The following LIMCH1 variants were observed in gnomAD, a reference collection of about 807,000 sequenced individuals.
LIMCH1 encodes the protein LIM and calponin homology domains-containing protein 1.
A neutral mutation model predicts 176.5 loss-of-function variants in LIMCH1; 113 were observed. The observed-to-expected ratio is 0.64, with a 90% confidence interval of 0.55 to 0.75. The LOEUF is 0.75. Among genes scored for constraint, LIMCH1 ranks in the 30% least tolerant of loss-of-function variants. LIMCH1 has a pLI of 0.00. For missense variants in LIMCH1, 1,674 were observed against 1,814.9 expected, an observed-to-expected ratio of 0.92 and a Z score of 1.41; for synonymous variants, 619 against 645.9, an observed-to-expected ratio of 0.96 and a Z score of 0.63.
chr4:41,397,115 G>A (rs2057884984), intron 1 of LIMCH1, among the ~76,000 whole-genome samples: 1 of 152,098 alleles, frequency 6.6e-6, no homozygotes, highest in African/African-American at 2.4e-5. Context: ...CCATTGGTTT[G>A]GTCATGGCTA....
At chr4:41,361,930 G>A (rs2052145656) in intron 1 of LIMCH1, among the ~76,000 whole-genome samples, 1 of 152,160 alleles carries the variant, frequency 6.6e-6, no homozygotes, top group Non-Finnish European at 1.5e-5. Context: ...GTGACAAGCA[G>A]CCCTCTTTGC....
At chr4:41,695,088 A>T (rs1018606228) in intron 31 of LIMCH1, among the ~76,000 whole-genome samples, 2 of 151,902 alleles carry the variant, frequency 1.3e-5, no homozygotes, top group African/African-American at 4.8e-5. Context: ...CCTGATTTGT[A>T]TGAGTTCTTT....
At chr4:41,493,041 T>C (rs1396258242) in intron 1 of LIMCH1, among the ~76,000 whole-genome samples, 3 of 152,136 alleles carry the variant, frequency 2.0e-5, no homozygotes, top group Admixed American at 6.5e-5. Flanking sequence ...ATGGTATATC[T>C]TATTTTATTC....
At position 41,620,422 on chromosome 4, in the gene LIMCH1, A is replaced by G; in HGVS notation, c.459-2A>G. 6.5e-7 allele frequency: 1 copy of G among 1,535,576 alleles called. No homozygotes were observed. Among genetic ancestry groups the G allele is most frequent in the Non-Finnish European group, 8.7e-7 (1 of 1,146,670 alleles). ...GGTAAACCATATTGTCCAACTCACT[A>G]GCTTTCCTGAAACGATAGAGGAAGA... On this transcript the variant is annotated splice_acceptor_variant, in intron 6 of 31. Coordinates refer to ENST00000503057, the MANE Select transcript of LIMCH1 (RefSeq NM_001330672.2). LOFTEE classifies it high-confidence loss of function.
intron 1 of LIMCH1, among the ~76,000 whole-genome samples, chr4:41,586,938 A>G (rs1160255351): frequency 6.6e-6 from 1 of 152,182 alleles, no homozygotes; most frequent in Non-Finnish European, 1.5e-5. Flanking sequence ...GCTATGAGGA[A>G]AAAATAATTA....
Position 41,676,469 on chromosome 4 carries a change from T to C in LIMCH1, c.3519+7T>C. On this transcript the variant is annotated splice_region_variant and intron_variant, in intron 23 of 31. Transcript: ENST00000503057. ...ACAGGAACGTTTGCTCCAGGTAGGA[T>C]GGAGTTTGCTGCTTTTTTTGTTTTT... 6.2e-7 allele frequency: 1 copy of C among 1,609,624 alleles called. No individual in the cohort carries two copies. Among genetic ancestry groups the C allele is most frequent in the East Asian group, 2.2e-5 (1 of 44,832 alleles).
At chr4:41,458,462 A>C (rs1008755140) in intron 1 of LIMCH1, among the ~76,000 whole-genome samples, 16 of 152,040 alleles carry the variant, frequency 1.1e-4, no homozygotes, top group African/African-American at 3.9e-4. Flanking sequence ...AGTAGGAGCC[A>C]AGGCTGGAAA....
intron 1 of LIMCH1, among the ~76,000 whole-genome samples, chr4:41,486,042 C>T (rs975504708): frequency 2.6e-5 from 4 of 152,120 alleles, no homozygotes; most frequent in African/African-American, 9.7e-5. Flanking sequence ...GGCTAAACAG[C>T]TGCAAAGATA....
At chr4:41,491,650 C>T (rs187953195) in intron 1 of LIMCH1, among the ~76,000 whole-genome samples, 7,701 of 133,826 alleles carry the variant, frequency 0.058, 292 homozygotes, top group Non-Finnish European at 0.067. Context: ...ACTTCCCAGA[C>T]GGGGCGGCCA....
chr4:41,611,505 G>C (rs1421732216), intron 4 of LIMCH1, among the ~76,000 whole-genome samples: 3 of 152,212 alleles, frequency 2.0e-5, no homozygotes, highest in Non-Finnish European at 4.4e-5. Flanking sequence ...TGGTGGAACT[G>C]TAACTGTACC....
intron 1 of LIMCH1, among the ~76,000 whole-genome samples, chr4:41,442,757 T>C (rs2062836186): frequency 2.0e-5 from 3 of 152,376 alleles, no homozygotes; most frequent in South Asian, 4.1e-4. Context: ...GATTGAATTT[T>C]AATTATTTAA....
intron 1 of LIMCH1, among the ~76,000 whole-genome samples, chr4:41,585,583 C>T (rs545004762): frequency 6.6e-6 from 1 of 152,288 alleles, no homozygotes; most frequent in South Asian, 2.1e-4. Context: ...ATATTGTAAT[C>T]CTGTGTTTAA....
chr4:41,616,792 C>T (rs1327119277), intron 5 of LIMCH1, among the ~76,000 whole-genome samples: 1 of 152,046 alleles, frequency 6.6e-6, no homozygotes, highest in African/African-American at 2.4e-5. Flanking sequence ...GTATTATCAC[C>T]TCCATGTATC....
intron 2 of LIMCH1, among the ~76,000 whole-genome samples, chr4:41,507,044 A>T (rs1055072524): frequency 2.0e-5 from 3 of 152,182 alleles, no homozygotes; most frequent in Non-Finnish European, 2.9e-5. Flanking sequence ...AATATTTATC[A>T]GAATGGCTCA....
At chr4:41,593,846 G>A (rs912342756) in intron 1 of LIMCH1, among the ~76,000 whole-genome samples, 2 of 152,302 alleles carry the variant, frequency 1.3e-5, no homozygotes, top group Admixed American at 1.3e-4. Flanking sequence ...AAAGTTGACT[G>A]TCCCTTGATC....
At chr4:41,473,803 A>G (rs1283052800) in intron 1 of LIMCH1, among the ~76,000 whole-genome samples, 1 of 152,248 alleles carries the variant, frequency 6.6e-6, no homozygotes, top group East Asian at 1.9e-4. Context: ...TGCAAATCAT[A>G]CATCAGATAA....
At chr4:41,436,734 T>A (rs148759413) in intron 1 of LIMCH1, among the ~76,000 whole-genome samples, 262 of 152,250 alleles carry the variant, frequency 1.7e-3, no homozygotes, top group Middle Eastern at 0.01. Context: ...GTTTCAGTCC[T>A]TGTGGAGGAT....
chr4:41,569,486 G>A (rs2083231794), intron 1 of LIMCH1, among the ~76,000 whole-genome samples: 2 of 152,108 alleles, frequency 1.3e-5, no homozygotes, highest in Admixed American at 1.3e-4. Context: ...AATGCCCAGG[G>A]GTTATGCTAA....
At chr4:41,434,299 G>A (rs560617077) in intron 1 of LIMCH1, among the ~76,000 whole-genome samples, 3 of 152,336 alleles carry the variant, frequency 2.0e-5, no homozygotes, top group African/African-American at 7.2e-5. Flanking sequence ...GCCACCAGCT[G>A]TAGACATCAG....
Sources: gnomAD v4.1 joint callset for allele counts (sites outside exome capture counted in the v4.1 genomes callset) on GRCh38, gnomAD v4.1.1 for gene constraint, MANE v1.5 for transcripts, NCBI Gene and HGNC (gene_info 2026-07-23, HGNC 2026-07-21) for gene names.